Variants in EVX1 observed in about 807,000 individuals in gnomAD.
The protein encoded by EVX1 is homeobox even-skipped homolog protein 1.
A neutral mutation model predicts 28.6 loss-of-function variants in EVX1; 19 were observed. The ratio of observed to expected loss-of-function variants is 0.67; its 90% CI spans 0.46 to 0.98. The LOEUF (loss-of-function observed/expected upper bound fraction) is 0.98. Among genes scored for constraint, EVX1 ranks in the 50% least tolerant of loss-of-function variants. EVX1 has a pLI of 0.00. For synonymous variants in EVX1, 324 were observed against 278.2 expected (o/e 1.16, Z -1.64); for missense variants, 660 against 583.0 (o/e 1.13, Z -1.36).
In EVX1 at chr7:27,246,397, A is replaced by G. The variant is rs1278346928; in HGVS notation, c.1196A>G (p.Gln399Arg). The G allele has an allele frequency of 3.1e-6, 5 of 1,600,504 alleles. No homozygotes were observed. The African/African-American group carries it at 5.4e-5, about 17-fold the overall frequency. ...LSKASSVALD[Q>R]REEVPLTR Reference sequence around the variant, plus strand: ...AAGGCCTCCTCCGTCGCGCTGGACCAGAGGGAGGAGGTGCCCCTCACTAGA... The same window carrying G: ...AAGGCCTCCTCCGTCGCGCTGGACCGGAGGGAGGAGGTGCCCCTCACTAGA... The change falls in exon 3 of 3, where the codon CAG becomes CGG. Residue 399 changes from glutamine (Q) to arginine (R), a missense_variant. Gln to Arg is a conservative substitution (Grantham distance 43, BLOSUM62 1). This residue lies in a region of EVX1 where 299 missense variants were observed against 241.3 expected (regional missense o/e 1.24). Transcript: ENST00000496902.
chr7:27,244,366 TGG>T, intron 1 of EVX1: 1 of 305,886 alleles, frequency 3.3e-6, no homozygotes. Flanking sequence ...GGAAAGAGCC[TGG>T]GGGCGGGGGG....
chr7:27,244,982 G>A, intron 1 of EVX1, 66 bp from the exon 2 acceptor site: 1 of 1,559,554 alleles, frequency 6.4e-7, no homozygotes, highest in Non-Finnish European at 8.7e-7. Flanking sequence ...TAGGCCTACA[G>A]CCCCACTTCA....
rs766004579 is a variant in EVX1 at position 27,246,294 on chromosome 7, G to A, written c.1093G>A (p.Ala365Thr). Residue 365 changes from alanine to threonine, a missense_variant, in exon 3 of 3, where the codon GCC (alanine) becomes ACC (threonine). Transcript: ENST00000496902. ...GGCCAACGGGCTGGCGCCCCGGGCT[G>A]CCGCCGCCTCGGACTTCACCTGTGC... is the stretch of plus-strand genomic sequence containing the variant. ...GPANGLAPRA[A>T]AASDFTCAST... 1 of 1,583,914 alleles carries A rather than the reference G, an allele frequency of 6.3e-7. No homozygotes were observed. Among genetic ancestry groups the A allele is most frequent in the Non-Finnish European group, 8.5e-7 (1 of 1,172,236 alleles).
Position 27,245,045 on chromosome 7 carries a change from C to T in EVX1, c.428-3C>T. On this transcript the variant is annotated splice_polypyrimidine_tract_variant and splice_region_variant and intron_variant, in intron 1 of 2. Coordinates refer to ENST00000496902, the MANE Select transcript of EVX1 (RefSeq NM_001989.5). ...ACGCCTGTGCTCTGGACTCGCTGTG[C>T]AGGGTCCGGCTCCGAGGCGCTGGTC... The T allele has an allele frequency of 6.2e-7, 1 of 1,608,370 alleles. No individual in the cohort carries two copies. Among genetic ancestry groups the T allele is most frequent in the Non-Finnish European group, 8.5e-7 (1 of 1,179,284 alleles).
At chr7:27,244,964 T>C (rs1783129941) in intron 1 of EVX1, 84 bp from the exon 2 acceptor site, 11 of 1,530,106 alleles carry the variant, frequency 7.2e-6, no homozygotes, top group East Asian at 2.3e-5. Context: ...CAAATCACCC[T>C]CCCACCTTAG....
intron 1 of EVX1, chr7:27,244,438 C>T (rs1783115136): frequency 1.0e-6 from 1 of 980,890 alleles, no homozygotes; most frequent in Non-Finnish European, 1.2e-6. Flanking sequence ...GCACCTACCC[C>T]TTACTATCTT....
chr7:27,246,792 C>T lies in EVX1; in HGVS notation c.*367C>T. Reference sequence around the variant, plus strand: ...CTCGGCCCCTCGGCCCCTCACCCTCCACCTCACACTCCCTTCTCACCGGGC... The same window carrying T: ...CTCGGCCCCTCGGCCCCTCACCCTCTACCTCACACTCCCTTCTCACCGGGC... On this transcript the variant is annotated 3_prime_UTR_variant, in exon 3 of 3. Coordinates refer to ENST00000496902, the MANE Select transcript of EVX1 (RefSeq NM_001989.5). 1 of 316,686 alleles carries T rather than the reference C, an allele frequency of 3.2e-6. No homozygotes were observed. Among genetic ancestry groups the T allele is most frequent in the Non-Finnish European group, 5.8e-6 (1 of 173,074 alleles). 19.6% of individuals were successfully genotyped at this position (316,686 alleles called of 1,614,324 possible). A position where few individuals can be genotyped will look rare whatever the true frequency, so the allele number is the denominator to read the frequency against.
chr7:27,243,871 C>T (rs1783096175), intron 1 of EVX1: 1 of 162,314 alleles, frequency 6.2e-6, no homozygotes, highest in Non-Finnish European at 1.3e-5. Context: ...GCCAGGAGTC[C>T]ATAAAGGACC....
chr7:27,245,581 C>A (rs1311884401), intron 2 of EVX1, among the ~76,000 whole-genome samples: 1 of 152,184 alleles, frequency 6.6e-6, no homozygotes, highest in Non-Finnish European at 1.5e-5. Context: ...ACGCTCTCTG[C>A]GGCCGCAGAC....
In EVX1 at chr7:27,246,508, T is replaced by C; in HGVS notation, c.*83T>C. On this transcript the variant is annotated 3_prime_UTR_variant, in exon 3 of 3. Transcript: ENST00000496902. ...GGACTCAGCCAGCCTCGCTCCTCGC[T>C]CCTCGCTCCTCGCCCCTAGGACGCC... is the stretch of plus-strand genomic sequence containing the variant. The C allele has an allele frequency of 7.4e-7, 1 of 1,343,824 alleles. No homozygotes were observed. Among genetic ancestry groups the C allele is most frequent in the Non-Finnish European group, 1.0e-6 (1 of 985,860 alleles). The allele number at this position is 1,343,824 out of a possible 1,614,324, so 83.2% of individuals were successfully genotyped here.
Position 27,245,166 on chromosome 7 carries a change from G to A in EVX1, c.546G>A (p.Gln182=). Residue 182 remains glutamine, a synonymous_variant, in exon 2 of 3, where the codon CAG becomes CAA. Transcript: ENST00000496902. ...QGTLACSASD[Q]MRRYRTAFTR... is the part of the protein sequence containing the mutation. Reference sequence around the variant, plus strand: ...CCCTGGCGTGCAGCGCCAGTGACCAGATGCGTCGTTACCGCACCGCCTTCA... The same window carrying A: ...CCCTGGCGTGCAGCGCCAGTGACCAAATGCGTCGTTACCGCACCGCCTTCA... 1 of 1,613,468 alleles carries A rather than the reference G, an allele frequency of 6.2e-7. No individual in the cohort carries two copies. Among genetic ancestry groups the A allele is most frequent in the Non-Finnish European group, 8.5e-7 (1 of 1,180,052 alleles).
rs1207835064 is a variant in EVX1 at position 27,246,187 on chromosome 7, C to A, written c.986C>A (p.Pro329Gln). The change falls in exon 3 of 3, where the codon CCG becomes CAG. Residue 329 changes from proline to glutamine, a missense_variant. Physicochemically the swap from Pro to Gln is moderately conservative, Grantham distance 76 (BLOSUM62 -1). Transcript: ENST00000496902. ...GAACTGCTGTGCGCCTTCCGCCACC[C>A]GCCGCTCTACCCCGGGCCCGCGCAC... ...RPELLCAFRH[P>Q]PLYPGPAHGL... is the part of the protein sequence containing the mutation. The A allele has an allele frequency of 4.0e-6, 6 of 1,491,708 alleles. No homozygotes were observed. In the Admixed American group the frequency reaches 1.2e-4, roughly 29 times the overall value. The allele number at this position is 1,491,708 out of a possible 1,614,324, so 92.4% of individuals were successfully genotyped here.
In EVX1 at chr7:27,243,353, G is replaced by A; in HGVS notation, c.323G>A (p.Gly108Glu). Residue 108 changes from glycine (G) to glutamate (E), a missense_variant, in exon 1 of 3, where the codon GGG becomes GAG. Gly to Glu is a moderately conservative substitution (Grantham distance 98, BLOSUM62 -2). This residue lies in a region of EVX1 where 308 missense variants were observed against 256.6 expected (regional missense o/e 1.20). Transcript: ENST00000496902. ...APSVDSLSGQ[G>E]QPSSSDTESD... ...TCAGTCGACAGCCTCTCCGGACAGGGGCAACCCAGTAGCTCGGACACCGAG... is the reference window on the plus strand; with the variant it reads ...TCAGTCGACAGCCTCTCCGGACAGGAGCAACCCAGTAGCTCGGACACCGAG... The A allele has an allele frequency of 6.2e-7, 1 of 1,608,978 alleles. No individual in the cohort carries two copies. Among genetic ancestry groups the A allele is most frequent in the Non-Finnish European group, 8.5e-7 (1 of 1,178,470 alleles).
At position 27,243,051 on chromosome 7, in the gene EVX1, G is replaced by A. The variant is rs770771883; in HGVS notation, c.21G>A (p.Met7Ile). The change falls in exon 1 of 3, where the codon ATG becomes ATA. Residue 7 changes from methionine (M) to isoleucine (I), a missense_variant. Met to Ile is a conservative substitution (Grantham distance 10). Transcript: ENST00000496902. The part of the protein sequence containing the change: MESRKD[M>I]VVFLDGGQLG... ...CCGGGATGGAGAGCCGAAAGGACAT[G>A]GTTGTGTTTCTGGATGGGGGTCAGC... 6.8e-6 allele frequency: 11 copies of A among 1,606,652 alleles called. No homozygotes were observed. The highest frequency in any genetic ancestry group is 2.7e-5 in the African/African-American group (2 of 74,534).
In EVX1 at chr7:27,243,265, G is replaced by A; in HGVS notation, c.235G>A (p.Gly79Arg). Residue 79 changes from glycine to arginine, a missense_variant, in exon 1 of 3, where the codon GGG (glycine) becomes AGG (arginine). By Grantham distance (125) the Gly-to-Arg change is moderately radical. Transcript: ENST00000496902. ...AGATGGACTCGCAGGCAGCGCGGCGGGGCCGGGCGCCGAGCCCCAGGTAGC... is the reference window on the plus strand; with the variant it reads ...AGATGGACTCGCAGGCAGCGCGGCGAGGCCGGGCGCCGAGCCCCAGGTAGC... ...PVDGLAGSAA[G>R]PGAEPQVAGA... 1.3e-6 allele frequency: 2 copies of A among 1,543,862 alleles called. No individual in the cohort carries two copies. Among genetic ancestry groups the A allele is most frequent in the South Asian group, 2.4e-5 (2 of 83,962 alleles).
chr7:27,244,483 C>T, intron 1 of EVX1: 7 of 988,074 alleles, frequency 7.1e-6, no homozygotes, highest in Non-Finnish European at 7.2e-6. Flanking sequence ...TCCCATAACC[C>T]TCAGAACAAC....
Position 27,243,205 on chromosome 7 carries a change from G to C in EVX1, c.175G>C (p.Glu59Gln), listed in dbSNP as rs1783071760. 1.9e-6 allele frequency: 3 copies of C among 1,557,126 alleles called. No homozygotes were observed. The highest frequency in any genetic ancestry group is 1.4e-5 in the African/African-American group (1 of 73,618). The stretch of plus-strand genomic sequence containing the variant: ...TCGGGCCGTCCCTCCGGCCACCCGG[G>C]AGCGCGGCGGGGGAGGCCCGGAGGA... ...SPRAVPPATR[E>Q]RGGGGPEEEP... Residue 59 changes from glutamate (E) to glutamine (Q), a missense_variant, in exon 1 of 3, where the codon GAG becomes CAG. This residue lies in a region of EVX1 where 308 missense variants were observed against 256.6 expected (regional missense o/e 1.20). Coordinates refer to ENST00000496902, the MANE Select transcript of EVX1 (RefSeq NM_001989.5).
At chr7:27,245,654 G>C (rs1783151949) in intron 2 of EVX1, among the ~76,000 whole-genome samples, 1 of 152,056 alleles carries the variant, frequency 6.6e-6, no homozygotes, top group Non-Finnish European at 1.5e-5. Flanking sequence ...GCACCCCGGG[G>C]GCCTGGCCAC....
rs769733573 is a variant in EVX1 at position 27,243,430 on chromosome 7, G to A, written c.400G>A (p.Gly134Arg). 4.4e-6 allele frequency: 7 copies of A among 1,607,254 alleles called. No individual in the cohort carries two copies. The highest frequency in any genetic ancestry group is 1.7e-5 in the Admixed American group (1 of 59,140). ...GAGCTGCACCCCGGACTGCGCCACC[G>A]GGAACGCCGAGTACCAGCACAGCAA... is the stretch of plus-strand genomic sequence containing the variant. ...EVSCTPDCAT[G>R]NAEYQHSKGS... The change falls in exon 1 of 3, where the codon GGG (glycine) becomes AGG (arginine). Residue 134 changes from glycine (G) to arginine (R), a missense_variant. Gly to Arg is a moderately radical substitution (Grantham distance 125). Transcript: ENST00000496902.
Sources: allele counts gnomAD v4.1 joint callset (sites outside exome capture counted in the v4.1 genomes callset), GRCh38; gene constraint gnomAD v4.1.1; regional missense constraint gnomAD v4.1.1; transcripts MANE v1.5; gene names NCBI Gene and HGNC (gene_info 2026-07-23, HGNC 2026-07-21).